Variants in LDB2 observed in about 807,000 individuals in gnomAD.
LDB2 encodes LIM domain binding 2.
In LDB2, 12 loss-of-function variants were observed where a neutral mutation model predicts 44.3. The observed-to-expected ratio is 0.27, with a 90% CI of 0.17 to 0.44. The LOEUF (loss-of-function observed/expected upper bound fraction) is 0.44. Among genes scored for constraint, LDB2 ranks in the 20% least tolerant of loss-of-function variants. The probability of loss-of-function intolerance (pLI) is 1.00; values close to 1 mark genes in which losing one functional copy is unlikely to be tolerated. For missense variants in LDB2, 344 were observed against 473.5 expected (o/e 0.73, Z 2.54); for synonymous variants, 164 against 174.8 (o/e 0.94, Z 0.49).
intron 2 of LDB2, among the ~76,000 whole-genome samples, chr4:16,754,937 C>T (rs1010347403): frequency 6.6e-6 from 1 of 152,190 alleles, no homozygotes; most frequent in African/African-American, 2.4e-5. Flanking sequence ...AACCCCTGTT[C>T]CCTTTCTCCT....
At chr4:16,688,912 A>G (rs909105801) in intron 2 of LDB2, among the ~76,000 whole-genome samples, 32 of 152,268 alleles carry the variant, frequency 2.1e-4, no homozygotes, top group Admixed American at 2.1e-3. Flanking sequence ...TGGATTCTGC[A>G]TCAGGCAAAG....
At chr4:16,610,184 C>T (rs1388741922) in intron 2 of LDB2, among the ~76,000 whole-genome samples, 1 of 151,800 alleles carries the variant, frequency 6.6e-6, no homozygotes, top group Non-Finnish European at 1.5e-5. Flanking sequence ...AACAAAAAGG[C>T]CCCCACAGAA....
Position 16,815,036 on chromosome 4 carries a change from G to C in LDB2, c.133-55776C>G, listed in dbSNP as rs899078044. Among the ~76,000 whole-genome samples, 6 of 152,248 alleles carry C rather than the reference G, an allele frequency of 3.9e-5. 1 individual carries two copies. The highest frequency in any genetic ancestry group is 3.9e-4 in the Admixed American group (6 of 15,290). On this transcript the variant is annotated intron_variant, in intron 1 of 7. Transcript: ENST00000304523. ...TATGTATTCACATCATTCAAATGCA[G>C]TAATTTACTTATTTGTTCACATCAA...
chr4:16,818,030 T>G (rs1344533413), intron 1 of LDB2, among the ~76,000 whole-genome samples: 4 of 152,174 alleles, frequency 2.6e-5, no homozygotes, highest in Non-Finnish European at 5.9e-5. Context: ...CCATGTAGCA[T>G]CATATGGGTT....
chr4:16,652,205 C>A (rs1738477881), intron 2 of LDB2, among the ~76,000 whole-genome samples: 1 of 152,118 alleles, frequency 6.6e-6, no homozygotes. Context: ...CCTTGCCCTC[C>A]CAAAGTGTTA....
At chr4:16,666,824 A>T (rs1326865584) in intron 2 of LDB2, among the ~76,000 whole-genome samples, 1 of 152,258 alleles carries the variant, frequency 6.6e-6, no homozygotes, top group Non-Finnish European at 1.5e-5. Flanking sequence ...AGATTTGGAC[A>T]GAACAGGCAA....
intron 5 of LDB2, among the ~76,000 whole-genome samples, chr4:16,546,659 T>C (rs1263543092): frequency 6.6e-6 from 1 of 152,116 alleles, no homozygotes; most frequent in Non-Finnish European, 1.5e-5. Flanking sequence ...ACTGCCAAGG[T>C]GAAAAAATGG....
At chr4:16,611,158 C>A (rs999215706) in intron 2 of LDB2, among the ~76,000 whole-genome samples, 4 of 152,166 alleles carry the variant, frequency 2.6e-5, no homozygotes, top group Admixed American at 2.6e-4. Context: ...TCCAGACAAG[C>A]AAATGCTGAG....
intron 2 of LDB2, among the ~76,000 whole-genome samples, chr4:16,643,138 TACA>T (rs956375632): frequency 4.9e-5 from 6 of 122,210 alleles, no homozygotes; most frequent in African/African-American, 1.9e-4. Flanking sequence ...ATCGGTTTAT[TACA>T]ACAATTCTCT....
intron 1 of LDB2, among the ~76,000 whole-genome samples, chr4:16,856,423 AG>A (rs1219199817): frequency 6.6e-6 from 1 of 152,186 alleles, no homozygotes; most frequent in East Asian, 1.9e-4. Context: ...AAATCGGTAA[AG>A]TCACTTTTAA....
chr4:16,673,710 C>T (rs540049924), intron 2 of LDB2, among the ~76,000 whole-genome samples: 17 of 152,242 alleles, frequency 1.1e-4, no homozygotes, highest in African/African-American at 4.1e-4. Context: ...TGATGGGGTG[C>T]TACTGGCATA....
chr4:16,782,841 G>A (rs1250396151), intron 1 of LDB2, among the ~76,000 whole-genome samples: 1 of 152,068 alleles, frequency 6.6e-6, no homozygotes, highest in Non-Finnish European at 1.5e-5. Context: ...ATCTAGAGGG[G>A]GAGTAGAGGA....
intron 5 of LDB2, among the ~76,000 whole-genome samples, chr4:16,564,053 C>T (rs1743569275): frequency 6.6e-6 from 1 of 152,220 alleles, no homozygotes; most frequent in Non-Finnish European, 1.5e-5. Flanking sequence ...CTTCCCCTCC[C>T]TCATTCTCCT....
chr4:16,885,675 G>A (rs761753393), intron 1 of LDB2, among the ~76,000 whole-genome samples: 12 of 152,154 alleles, frequency 7.9e-5, no homozygotes, highest in Admixed American at 1.3e-4. Context: ...AGTATGAATT[G>A]TGCTAAAATA....
At chr4:16,720,527 A>T (rs1758043534) in intron 2 of LDB2, among the ~76,000 whole-genome samples, 1 of 152,074 alleles carries the variant, frequency 6.6e-6, no homozygotes, top group Non-Finnish European at 1.5e-5. Flanking sequence ...TGACTGACAC[A>T]CCTGAGTTCA....
At chr4:16,686,613 C>G (rs950681708) in intron 2 of LDB2, among the ~76,000 whole-genome samples, 5 of 152,156 alleles carry the variant, frequency 3.3e-5, no homozygotes, top group African/African-American at 7.2e-5. Context: ...AACCACTGAG[C>G]TGTCAGAAGA....
At chr4:16,706,022 T>G (rs1344339895) in intron 2 of LDB2, among the ~76,000 whole-genome samples, 1 of 152,100 alleles carries the variant, frequency 6.6e-6, no homozygotes, top group Non-Finnish European at 1.5e-5. Context: ...CAGAGGCTAG[T>G]TTTCAAACTA....
chr4:16,583,198 A>G (rs1715416431), intron 5 of LDB2, among the ~76,000 whole-genome samples: 1 of 152,246 alleles, frequency 6.6e-6, no homozygotes, highest in Non-Finnish European at 1.5e-5. Context: ...TGACGAAGCT[A>G]GATGGCTGTA....
intron 2 of LDB2, among the ~76,000 whole-genome samples, chr4:16,633,462 C>T (rs931970500): frequency 6.6e-6 from 1 of 152,106 alleles, no homozygotes; most frequent in Non-Finnish European, 1.5e-5. Context: ...CATTCCTATA[C>T]ACCAATAACA....
Sources: gnomAD v4.1 joint callset for allele counts (sites outside exome capture counted in the v4.1 genomes callset) on GRCh38, gnomAD v4.1.1 for gene constraint, MANE v1.5 for transcripts, NCBI Gene and HGNC (gene_info 2026-07-23, HGNC 2026-07-21) for gene names.